Variants in NFAT5 observed in about 807,000 individuals in gnomAD.
NFAT5 encodes the protein nuclear factor of activated T-cells 5.
A neutral mutation model predicts 166.5 loss-of-function variants in NFAT5; 31 were observed. That is an observed-to-expected ratio of 0.19 (90% CI 0.14 to 0.25). The LOEUF is 0.25. Ranked by LOEUF, NFAT5 falls within the 10% of genes least tolerant of loss-of-function variation. NFAT5 has a pLI of 1.00. For missense variants in NFAT5, 1,449 were observed against 1,821.8 expected (o/e 0.80, Z 3.72); for synonymous variants, 612 against 639.7 (o/e 0.96, Z 0.65).
At chr16:69,593,342 A>G (rs993287417) in intron 2 of NFAT5, among the ~76,000 whole-genome samples, 20 of 152,088 alleles carry the variant, frequency 1.3e-4, no homozygotes, top group Non-Finnish European at 2.6e-4. Flanking sequence ...TTTTAAAAAA[A>G]AATTTTTTTA....
chr16:69,573,927 G>A (rs1393862664), intron 2 of NFAT5, among the ~76,000 whole-genome samples: 4 of 146,350 alleles, frequency 2.7e-5, no homozygotes, highest in Non-Finnish European at 4.5e-5. Context: ...AGGCTGGAGT[G>A]CAATGGTGCA....
At chr16:69,649,342 G>A in intron 4 of NFAT5, 1 of 972,248 alleles carries the variant, frequency 1.0e-6, no homozygotes, top group Non-Finnish European at 1.2e-6. Context: ...CAAATTTAGA[G>A]CAAATAGAAT....
chr16:69,580,506 G>C (rs2031602639), intron 2 of NFAT5, among the ~76,000 whole-genome samples: 1 of 150,476 alleles, frequency 6.6e-6, no homozygotes, highest in Non-Finnish European at 1.5e-5. Context: ...ACTCTAGCCT[G>C]GGCGACAAGA....
chr16:69,595,404 C>A (rs947753046), intron 2 of NFAT5, among the ~76,000 whole-genome samples: 1 of 152,082 alleles, frequency 6.6e-6, no homozygotes, highest in Non-Finnish European at 1.5e-5. Context: ...TTTAGGGGAT[C>A]CCTTGTTGCT....
Position 69,701,447 on chromosome 16 carries a change from C to T in NFAT5, c.*5096C>T, listed in dbSNP as rs954488113. On this transcript the variant is annotated 3_prime_UTR_variant, in exon 15 of 15. Coordinates refer to ENST00000349945, the MANE Select transcript of NFAT5 (RefSeq NM_138713.4). ...CCAAAAACACATAAACAAATAGTTT[C>T]AGTAGGTCCCAGCTTTTACTTTTTC... 3.1e-4 allele frequency: 48 copies of T among 152,534 alleles called. No homozygotes were observed. Among genetic ancestry groups the T allele is most frequent in the Non-Finnish European group, 4.6e-4 (31 of 68,022 alleles). 9.4% of individuals were successfully genotyped at this position (152,534 alleles called of 1,614,324 possible).
chr16:69,567,246 G>A (rs933995868), intron 1 of NFAT5, among the ~76,000 whole-genome samples: 1 of 152,190 alleles, frequency 6.6e-6, no homozygotes, highest in East Asian at 1.9e-4. Flanking sequence ...GAACTCTTTT[G>A]GCTAAGGCCT....
intron 11 of NFAT5, chr16:69,685,500 T>A (rs1326987899): frequency 6.6e-6 from 1 of 150,970 alleles, no homozygotes; most frequent in African/African-American, 2.5e-5. Flanking sequence ...TGAGCCAAGG[T>A]CATGCCACTG....
intron 3 of NFAT5, among the ~76,000 whole-genome samples, chr16:69,635,708 C>T (rs1567560353): frequency 1.3e-5 from 2 of 152,106 alleles, no homozygotes; most frequent in Admixed American, 6.6e-5. Flanking sequence ...CCTGATAAAC[C>T]CATCAGATCT....
At chr16:69,683,165 C>T (rs555902844) in intron 10 of NFAT5, among the ~76,000 whole-genome samples, 8 of 152,150 alleles carry the variant, frequency 5.3e-5, no homozygotes, top group African/African-American at 1.2e-4. Context: ...GAGCTGAGAT[C>T]GCGCCACTGC....
At chr16:69,619,428 C>G (rs2034103967) in intron 2 of NFAT5, among the ~76,000 whole-genome samples, 1 of 152,154 alleles carries the variant, frequency 6.6e-6, no homozygotes, top group Admixed American at 6.5e-5. Context: ...CTCCTGTCTC[C>G]CATCAAAGGA....
intron 11 of NFAT5, among the ~76,000 whole-genome samples, chr16:69,687,918 G>A (rs546499128): frequency 1.3e-5 from 2 of 152,140 alleles, no homozygotes; most frequent in African/African-American, 4.8e-5. Context: ...AGTTTGGCCG[G>A]GCGCGGTGGC....
At chr16:69,598,216 T>A (rs916285063) in intron 2 of NFAT5, among the ~76,000 whole-genome samples, 1 of 151,456 alleles carries the variant, frequency 6.6e-6, no homozygotes, top group Non-Finnish European at 1.5e-5. Flanking sequence ...AGACCCTGTC[T>A]ATAAATAAAA....
intron 3 of NFAT5, among the ~76,000 whole-genome samples, chr16:69,627,323 CATATATATATATATATATATATATAT>C (rs10524659): frequency 0.039 from 5,061 of 128,688 alleles, 228 homozygotes; most frequent in Non-Finnish European, 0.05. Flanking sequence ...AAAAAGGAAA[CATATATATATATATATATATATATAT>C]ATATATATAT....
intron 2 of NFAT5, among the ~76,000 whole-genome samples, chr16:69,614,658 A>G (rs1345069497): frequency 6.6e-6 from 1 of 152,186 alleles, no homozygotes; most frequent in Admixed American, 6.5e-5. Context: ...TCCCTTATGT[A>G]ACCACAATAT....
intron 3 of NFAT5, among the ~76,000 whole-genome samples, chr16:69,637,374 T>C (rs1446532235): frequency 6.6e-6 from 1 of 152,214 alleles, no homozygotes; most frequent in African/African-American, 2.4e-5. Context: ...CTACATTTTC[T>C]GGTATTTTTT....
chr16:69,595,102 A>G (rs1353807616), intron 2 of NFAT5, among the ~76,000 whole-genome samples: 1 of 152,202 alleles, frequency 6.6e-6, no homozygotes, highest in East Asian at 1.9e-4. Flanking sequence ...CTTTGGCAAC[A>G]TCCTCACAGA....
intron 7 of NFAT5, among the ~76,000 whole-genome samples, chr16:69,666,394 T>C (rs2036380980): frequency 6.6e-6 from 1 of 151,022 alleles, no homozygotes; most frequent in Admixed American, 6.6e-5. Flanking sequence ...ACCTACAAAA[T>C]GGGAGAAAAT....
chr16:69,592,120 C>A (rs1422229364), intron 2 of NFAT5, among the ~76,000 whole-genome samples: 5 of 144,476 alleles, frequency 3.5e-5, no homozygotes, highest in Non-Finnish European at 6.0e-5. Flanking sequence ...CACTCTGTCA[C>A]CCAGGCTGGA....
At chr16:69,610,328 G>A (rs1412249141) in intron 2 of NFAT5, among the ~76,000 whole-genome samples, 2 of 151,960 alleles carry the variant, frequency 1.3e-5, no homozygotes, top group African/African-American at 4.8e-5. Context: ...AAAACAAGAT[G>A]GGTTTTTTTT....
Sources: gnomAD v4.1 joint callset for allele counts (sites outside exome capture counted in the v4.1 genomes callset) on GRCh38, gnomAD v4.1.1 for gene constraint, MANE v1.5 for transcripts, NCBI Gene and HGNC (gene_info 2026-07-23, HGNC 2026-07-21) for gene names.